Variants in SPATA17 observed in about 807,000 individuals in gnomAD.
SPATA17 encodes spermatogenesis associated 17.
In SPATA17, 53 loss-of-function variants were observed where a neutral mutation model predicts 62.2. The ratio of observed to expected loss-of-function variants is 0.85; its 90% CI spans 0.68 to 1.07. The LOEUF is 1.07. Among genes scored for constraint, SPATA17 ranks in the 50% least tolerant of loss-of-function variants. The probability of loss-of-function intolerance (pLI) is 0.00; values close to 1 mark genes in which losing one functional copy is unlikely to be tolerated. For missense variants in SPATA17, 466 were observed against 425.5 expected (o/e 1.10, Z -0.84); for synonymous variants, 146 against 146.8 (o/e 0.99, Z 0.04).
intron 1 of SPATA17, among the ~76,000 whole-genome samples, chr1:217,641,409 GA>G (rs922652461): frequency 1.3e-5 from 2 of 151,118 alleles, no homozygotes; most frequent in African/African-American, 2.4e-5. Context: ...AATCAGGAGG[GA>G]AAAAAAATCA....
intron 8 of SPATA17, among the ~76,000 whole-genome samples, chr1:217,794,693 C>T (rs1674091214): frequency 6.6e-6 from 1 of 152,156 alleles, no homozygotes; most frequent in Non-Finnish European, 1.5e-5. Flanking sequence ...TTGATTAAAA[C>T]TTGGACTCTT....
intron 9 of SPATA17, among the ~76,000 whole-genome samples, chr1:217,855,338 C>G (rs2103013888): frequency 6.6e-6 from 1 of 152,228 alleles, no homozygotes; most frequent in Admixed American, 6.5e-5. Context: ...ATCACTAGCT[C>G]TATGATAAAA....
At chr1:217,727,586 T>C (rs2102939029) in intron 5 of SPATA17, among the ~76,000 whole-genome samples, 1 of 152,288 alleles carries the variant, frequency 6.6e-6, no homozygotes, top group African/African-American at 2.4e-5. Context: ...ATTCTAAATT[T>C]GGAGGAATAT....
At chr1:217,668,571 C>T (rs1341215032) in intron 3 of SPATA17, among the ~76,000 whole-genome samples, 2 of 152,136 alleles carry the variant, frequency 1.3e-5, no homozygotes, top group Admixed American at 6.5e-5. Flanking sequence ...TCACTGCATC[C>T]ATATCCTTGA....
chr1:217,704,320 G>A (rs947014788), intron 5 of SPATA17, among the ~76,000 whole-genome samples: 2 of 129,432 alleles, frequency 1.5e-5, no homozygotes, highest in African/African-American at 2.8e-5. Context: ...GCGCAATCTC[G>A]GCTCACTGCA....
intron 9 of SPATA17, among the ~76,000 whole-genome samples, chr1:217,822,173 A>T (rs1017746171): frequency 3.3e-5 from 5 of 152,094 alleles, no homozygotes; most frequent in Non-Finnish European, 7.4e-5. Flanking sequence ...TTGCAGAAAG[A>T]TTAAACTAAT....
At chr1:217,813,320 T>C (rs900975841) in intron 9 of SPATA17, among the ~76,000 whole-genome samples, 1 of 152,202 alleles carries the variant, frequency 6.6e-6, no homozygotes, top group Non-Finnish European at 1.5e-5. Context: ...ATGATTATCA[T>C]AATTGATGTG....
intron 8 of SPATA17, among the ~76,000 whole-genome samples, chr1:217,794,600 T>G (rs1355486316): frequency 6.6e-6 from 1 of 152,150 alleles, no homozygotes; most frequent in Non-Finnish European, 1.5e-5. Flanking sequence ...GCAATTAAAT[T>G]ATTTAAAACT....
intron 9 of SPATA17, among the ~76,000 whole-genome samples, chr1:217,844,737 T>G (rs369301684): frequency 2.6e-5 from 4 of 152,166 alleles, no homozygotes; most frequent in African/African-American, 9.6e-5. Context: ...AATCTAGGAA[T>G]GCCTTTCTGT....
At position 217,803,282 on chromosome 1, in the gene SPATA17, A is replaced by G. The variant is rs117319965; in HGVS notation, c.1005+1432A>G. Among the ~76,000 whole-genome samples the G allele has an allele frequency of 7.5e-4, 114 of 152,314 alleles. 1 individual carries two copies. In the East Asian group the frequency reaches 0.016, roughly 21 times the overall value. ...CCTAGCCAGAGCAGTTAGGCAAGAGAAAGAAAGAAAAGGCATCCACACTGG... is the reference window on the plus strand; with the variant it reads ...CCTAGCCAGAGCAGTTAGGCAAGAGGAAGAAAGAAAAGGCATCCACACTGG... On this transcript the variant is annotated intron_variant, in intron 9 of 10. Transcript: ENST00000366933.
chr1:217,679,100 C>G (rs1671018129), intron 4 of SPATA17, among the ~76,000 whole-genome samples: 1 of 152,044 alleles, frequency 6.6e-6, no homozygotes, highest in South Asian at 2.1e-4. Context: ...ATAGTACAGT[C>G]TCATCTATAT....
intron 6 of SPATA17, among the ~76,000 whole-genome samples, chr1:217,765,790 A>C (rs1283735195): frequency 6.6e-6 from 1 of 151,910 alleles, no homozygotes; most frequent in Admixed American, 6.6e-5. Flanking sequence ...GGATTCATCT[A>C]TTTCTTCCTA....
intron 4 of SPATA17, among the ~76,000 whole-genome samples, chr1:217,680,059 C>T (rs12141354): frequency 0.14 from 21,039 of 152,036 alleles, 1,543 homozygotes; most frequent in Non-Finnish European, 0.16. Flanking sequence ...GTAGCCCCTC[C>T]CTTAATACTG....
In SPATA17 at chr1:217,793,221, G is replaced by GTT. The variant is rs1161172000; in HGVS notation, c.873-8481_873-8480dup. Among the ~76,000 whole-genome samples, 80 of 127,140 alleles carry GTT rather than the reference G, an allele frequency of 6.3e-4. No homozygotes were observed. The Middle Eastern group carries it at 0.013, about 20-fold the overall frequency. 83.4% of individuals were successfully genotyped at this position (127,140 alleles called of 152,430 possible). ...CTTTAATGTTAGGGCAGTGGTTTTT[G>GTT]TTTTTTTTTTTTTTTTTGAGACGGA... On this transcript the variant is annotated intron_variant, in intron 8 of 10. Coordinates refer to ENST00000366933, the MANE Select transcript of SPATA17 (RefSeq NM_138796.4).
chr1:217,768,069 AC>A (rs780459165), intron 6 of SPATA17, among the ~76,000 whole-genome samples: 6 of 151,912 alleles, frequency 3.9e-5, no homozygotes, highest in Non-Finnish European at 8.8e-5. Flanking sequence ...ACATGGTGAA[AC>A]CTCGTTTTTA....
intron 5 of SPATA17, among the ~76,000 whole-genome samples, chr1:217,716,357 AG>A (rs1672003014): frequency 6.6e-6 from 1 of 152,220 alleles, no homozygotes; most frequent in South Asian, 2.1e-4. Context: ...GCAGCAACTT[AG>A]GGTAAAAATC....
At chr1:217,712,539 A>G (rs1179487419) in intron 5 of SPATA17, among the ~76,000 whole-genome samples, 2 of 152,014 alleles carry the variant, frequency 1.3e-5, no homozygotes. Context: ...TAATGCACTC[A>G]GTCTCTTAAA....
intron 9 of SPATA17, among the ~76,000 whole-genome samples, chr1:217,829,383 T>C (rs1418865564): frequency 6.6e-6 from 1 of 151,766 alleles, no homozygotes; most frequent in Non-Finnish European, 1.5e-5. Flanking sequence ...ATCCCAGTGC[T>C]TTGGGAGGCC....
At chr1:217,739,808 A>C (rs1272437108) in intron 5 of SPATA17, among the ~76,000 whole-genome samples, 1 of 152,148 alleles carries the variant, frequency 6.6e-6, no homozygotes, top group Non-Finnish European at 1.5e-5. Context: ...TGTTCAGTAT[A>C]TCCACACACA....
Sources: gnomAD v4.1 joint callset for allele counts (sites outside exome capture counted in the v4.1 genomes callset) on GRCh38, gnomAD v4.1.1 for gene constraint, MANE v1.5 for transcripts, NCBI Gene and HGNC (gene_info 2026-07-23, HGNC 2026-07-21) for gene names.